TMEM130: variants seen among roughly 807,000 people sequenced by gnomAD.
The protein encoded by TMEM130 is transmembrane protein 130.
A neutral mutation model predicts 42.9 loss-of-function variants in TMEM130; 37 were observed. The observed-to-expected ratio is 0.86, with a 90% CI of 0.66 to 1.13. The LOEUF (loss-of-function observed/expected upper bound fraction) is 1.13, where lower values mean the gene tolerates loss of function less well. Ranked by LOEUF, TMEM130 falls within the 50% of genes most tolerant of loss-of-function variation. The pLI, the probability that TMEM130 is intolerant of heterozygous loss-of-function variation, is 0.00. For missense variants in TMEM130, 545 were observed against 562.6 expected (o/e 0.97, Z 0.32); for synonymous variants, 259 against 237.7 (o/e 1.09, Z -0.82).
intron 1 of TMEM130, among the ~76,000 whole-genome samples, chr7:98,868,561 A>G (rs1554400955): frequency 6.6e-6 from 1 of 152,216 alleles, no homozygotes; most frequent in East Asian, 1.9e-4. Context: ...TTAATAGTCC[A>G]GTACATGGAC....
At chr7:98,865,719 T>C (rs1554400533) in intron 1 of TMEM130, 1 of 152,236 alleles carries the variant, frequency 6.6e-6, no homozygotes. Context: ...TTACCCTCTC[T>C]CTGCCACTCT....
At chr7:98,851,377 T>TG (rs1562905310) in intron 6 of TMEM130, 44 bp downstream of exon 6, 1 of 1,591,328 alleles carries the variant, frequency 6.3e-7, no homozygotes, top group Non-Finnish European at 8.6e-7. Context: ...GACAGGCTTG[T>TG]GCTGCCCATG....
chr7:98,868,160 T>C (rs782805778), intron 1 of TMEM130, among the ~76,000 whole-genome samples: 6 of 152,196 alleles, frequency 3.9e-5, no homozygotes, highest in Non-Finnish European at 8.8e-5. Flanking sequence ...ACCCAGAAGG[T>C]GGAGGTTGCA....
At chr7:98,868,023 G>C (rs1554400840) in intron 1 of TMEM130, among the ~76,000 whole-genome samples, 1 of 152,218 alleles carries the variant, frequency 6.6e-6, no homozygotes, top group Admixed American at 6.5e-5. Context: ...GAGGCCAGAG[G>C]TTCGAGACCA....
At chr7:98,856,908 CT>C (rs1160991994) in intron 3 of TMEM130, among the ~76,000 whole-genome samples, 72 of 149,172 alleles carry the variant, frequency 4.8e-4, no homozygotes, top group Admixed American at 2.3e-3. Context: ...CTCTCTCTCC[CT>C]TTTTTTTTTA....
intron 6 of TMEM130, among the ~76,000 whole-genome samples, chr7:98,851,020 T>C (rs782379403): frequency 8.5e-5 from 13 of 152,098 alleles, no homozygotes; most frequent in Non-Finnish European, 1.2e-4. Context: ...TTGAGGTGAC[T>C]TGGTGAGAAT....
intron 3 of TMEM130, among the ~76,000 whole-genome samples, chr7:98,856,430 C>G (rs1348227264): frequency 1.3e-5 from 2 of 152,240 alleles, no homozygotes; most frequent in Non-Finnish European, 2.9e-5. Flanking sequence ...TTACAAATTT[C>G]TCACATTAGC....
intron 1 of TMEM130, chr7:98,866,558 G>A (rs1794913177): frequency 6.6e-6 from 1 of 152,272 alleles, no homozygotes; most frequent in South Asian, 2.1e-4. Flanking sequence ...CCACCCTCGT[G>A]TGGTTTCCAG....
chr7:98,856,236 C>G, intron 3 of TMEM130, 53 bp from the exon 4 acceptor site: 1 of 1,562,832 alleles, frequency 6.4e-7, no homozygotes, highest in Non-Finnish European at 8.7e-7. Flanking sequence ...GTTGCTTCCC[C>G]TTCCTGTAAC....
chr7:98,865,520 A>AT (rs1208174585), intron 1 of TMEM130, among the ~76,000 whole-genome samples: 1 of 152,148 alleles, frequency 6.6e-6, no homozygotes, highest in Non-Finnish European at 1.5e-5. Context: ...AGGCAGGAGA[A>AT]TTGCTTGAAC....
chr7:98,850,273 A>ATATTTTTTTTTTTTT, intron 6 of TMEM130, among the ~76,000 whole-genome samples: 2 of 35,452 alleles, frequency 5.6e-5, no homozygotes, highest in East Asian at 7.7e-4. Context: ...ATATATATAT[A>ATATTTTTTTTTTTTT]TTTTTTTTTT....
Position 98,847,078 on chromosome 7 carries a change from C to G in TMEM130, c.*978G>C, listed in dbSNP as rs527354131. The stretch of plus-strand genomic sequence containing the variant: ...TTCACCGTGTTAGCCAGGGTGGTCT[C>G]GATCTCCTGATCTCGTGATCCACCC... On this transcript the variant is annotated 3_prime_UTR_variant, in exon 8 of 8. Coordinates refer to ENST00000339375, the MANE Select transcript of TMEM130 (RefSeq NM_152913.3). The G allele has an allele frequency of 5.3e-5, 8 of 152,104 alleles. No homozygotes were observed. The highest frequency in any genetic ancestry group is 1.9e-4 in the African/African-American group (8 of 41,406). 9.4% of individuals were successfully genotyped at this position (152,104 alleles called of 1,614,324 possible).
chr7:98,855,416 C>T, intron 4 of TMEM130, 92 bp from the exon 5 acceptor site: 3 of 1,170,220 alleles, frequency 2.6e-6, no homozygotes, highest in Non-Finnish European at 2.4e-6. Context: ...CCACCCTGTC[C>T]TCCCCTCCGT....
intron 2 of TMEM130, 102 bp downstream of exon 2, chr7:98,862,993 C>A: frequency 2.3e-6 from 3 of 1,277,116 alleles, no homozygotes; most frequent in Non-Finnish European, 3.2e-6. Flanking sequence ...TCCCCCAGAA[C>A]CTACGGGCCT....
In TMEM130 at chr7:98,851,480, C is replaced by T. The variant is rs782711487; in HGVS notation, c.947G>A (p.Arg316Gln). The change falls in exon 6 of 8, where the codon CGG becomes CAG. Residue 316 changes from arginine (R) to glutamine (Q), a missense_variant. By Grantham distance (43) the Arg-to-Gln change is conservative (BLOSUM62 1). Transcript: ENST00000339375. ...RDPGDYCFSIRAENIISKTHQ... is the reference protein window; with the variant it reads ...RDPGDYCFSIQAENIISKTHQ... ...TGTCTTGCTGATGATATTCTCGGCC[C>T]GGATGCTGAAGCAGTAGTCCCCAGG... 2.9e-5 allele frequency: 46 copies of T among 1,613,872 alleles called. No individual in the cohort carries two copies. The highest frequency in any genetic ancestry group is 1.6e-4 in the Middle Eastern group (1 of 6,082).
rs1554399598 is a variant in TMEM130 at position 98,860,267 on chromosome 7, T to A, written c.463A>T (p.Thr155Ser). 6.8e-6 allele frequency: 11 copies of A among 1,613,166 alleles called. No homozygotes were observed. The highest frequency in any genetic ancestry group is 8.5e-6 in the Non-Finnish European group (10 of 1,179,660). ...AGGAGGAAGGAGACTTTCAGGACGG[T>A]CTTAGTGAGATAGGAGCTGGGCCAG... The part of the protein sequence containing the change: ...LPWPSSYLTK[T>S]VLKVSFLLHD... The change falls in exon 3 of 8, where the codon ACC becomes TCC. Residue 155 changes from threonine to serine, a missense_variant. Thr to Ser is a moderately conservative substitution (Grantham distance 58). Coordinates refer to ENST00000339375, the MANE Select transcript of TMEM130 (RefSeq NM_152913.3).
intron 2 of TMEM130, among the ~76,000 whole-genome samples, chr7:98,860,578 A>G (rs1554399667): frequency 6.6e-6 from 1 of 152,142 alleles, no homozygotes; most frequent in Non-Finnish European, 1.5e-5. Context: ...ACTCTGTCAC[A>G]TTCACTGTTT....
rs1554397532 is a variant in TMEM130 at position 98,847,657 on chromosome 7, C to T, written c.*399G>A. The stretch of plus-strand genomic sequence containing the variant: ...TTCTAGCTCTCTGGCACAGGTAGGG[C>T]TGTCTGGGGGAGGAAACTGAGAACC... On this transcript the variant is annotated 3_prime_UTR_variant, in exon 8 of 8. Coordinates refer to ENST00000339375, the MANE Select transcript of TMEM130 (RefSeq NM_152913.3). 1 of 166,386 alleles carries T rather than the reference C, an allele frequency of 6.0e-6. No homozygotes were observed. The highest frequency in any genetic ancestry group is 2.4e-5 in the African/African-American group (1 of 41,884). The allele number at this position is 166,386 out of a possible 1,614,324, so 10.3% of individuals were successfully genotyped here. A position where few individuals can be genotyped will look rare whatever the true frequency, so the allele number is the denominator to read the frequency against.
chr7:98,850,320 C>T (rs1365882928), intron 6 of TMEM130, among the ~76,000 whole-genome samples: 1 of 131,070 alleles, frequency 7.6e-6, no homozygotes, highest in Non-Finnish European at 1.7e-5. Flanking sequence ...CTCTGTGGCC[C>T]AGGCTGGAGT....
Sources: allele counts gnomAD v4.1 joint callset (sites outside exome capture counted in the v4.1 genomes callset), GRCh38; gene constraint gnomAD v4.1.1; transcripts MANE v1.5; gene names NCBI Gene and HGNC (gene_info 2026-07-23, HGNC 2026-07-21).